The following ACTL8 variants were observed in gnomAD, a reference collection of about 807,000 sequenced individuals.
ACTL8 encodes the protein actin-like protein 8.
In ACTL8, 3 loss-of-function variants were observed where a neutral mutation model predicts 9.3. The observed-to-expected ratio is 0.32, with a 90% CI of 0.15 to 0.83. The LOEUF is 0.83. Among genes scored for constraint, ACTL8 ranks in the 40% least tolerant of loss-of-function variants. The pLI is 0.57. For synonymous variants in ACTL8, 224 were observed against 205.9 expected (o/e 1.09, Z -0.75); for missense variants, 381 against 492.2 (o/e 0.77, Z 2.14).
chr1:17,786,592 G>A (rs1290385720), intron 1 of ACTL8, among the ~76,000 whole-genome samples: 1 of 152,196 alleles, frequency 6.6e-6, no homozygotes, highest in East Asian at 1.9e-4. Context: ...ATGGAGAACA[G>A]GGGAGGAAAG....
chr1:17,767,598 G>T lies in ACTL8; in HGVS notation c.-25+12094G>T, dbSNP rs2066053548. Among the ~76,000 whole-genome samples, 1 of 152,156 alleles carries T rather than the reference G, an allele frequency of 6.6e-6. No homozygotes were observed. Among genetic ancestry groups the T allele is most frequent in the South Asian group, 2.1e-4 (1 of 4,826 alleles). On this transcript the variant is annotated intron_variant, in intron 1 of 2. Coordinates refer to ENST00000375406, the MANE Select transcript of ACTL8 (RefSeq NM_030812.3). The surrounding 1 kb of genome is among the most constrained non-coding windows in gnomAD (Gnocchi z 4.7). ...TCTTTTGTGGCTGCCTTGTCCAGTG[G>T]TTATTTGGTGCGCAGTAAGCCCTTT...
intron 1 of ACTL8, among the ~76,000 whole-genome samples, chr1:17,796,468 A>T (rs984648791): frequency 6.6e-6 from 1 of 152,188 alleles, no homozygotes; most frequent in Non-Finnish European, 1.5e-5. Flanking sequence ...AGAGGTCGGC[A>T]TCACGCCCCC....
chr1:17,770,297 G>A (rs941281390), intron 1 of ACTL8, among the ~76,000 whole-genome samples: 1 of 152,210 alleles, frequency 6.6e-6, no homozygotes, highest in Non-Finnish European at 1.5e-5. Flanking sequence ...TCAGAGAGAA[G>A]GAAGCAGGGA....
intron 1 of ACTL8, among the ~76,000 whole-genome samples, chr1:17,781,094 C>T (rs2066151632): frequency 6.6e-6 from 1 of 152,128 alleles, no homozygotes; most frequent in South Asian, 2.1e-4. Context: ...AGGATCCTTC[C>T]TTCCTCTTCC....
intron 1 of ACTL8, among the ~76,000 whole-genome samples, chr1:17,788,891 T>C (rs912293997): frequency 2.6e-5 from 4 of 152,226 alleles, no homozygotes; most frequent in African/African-American, 9.6e-5. Flanking sequence ...GGCCCCTGTG[T>C]GACAGCTGAC....
rs2066438272 is a variant in ACTL8, at chr1:17,817,831, G to T, written c.-24-5154G>T. On this transcript the variant is annotated intron_variant, in intron 1 of 2. Coordinates refer to ENST00000375406, the MANE Select transcript of ACTL8 (RefSeq NM_030812.3). ...TTCTCCTGCCTCAGCCTCCTGAGTAGCTGGGATTACAGGTGCGTGCCACCA... is the reference window on the plus strand; with the variant it reads ...TTCTCCTGCCTCAGCCTCCTGAGTATCTGGGATTACAGGTGCGTGCCACCA... Among the ~76,000 whole-genome samples, 4 of 152,180 alleles carry T rather than the reference G, an allele frequency of 2.6e-5. No individual in the cohort carries two copies. The South Asian group carries it at 8.3e-4, about 32-fold the overall frequency.
chr1:17,824,646 T>C (rs12410884), intron 2 of ACTL8, among the ~76,000 whole-genome samples: 11,934 of 152,276 alleles, frequency 0.078, 949 homozygotes, highest in East Asian at 0.27. Context: ...GCATGGGGCA[T>C]ACTTACACTA....
intron 1 of ACTL8, among the ~76,000 whole-genome samples, chr1:17,821,464 C>CT (rs1166085929): frequency 6.6e-6 from 1 of 152,052 alleles, no homozygotes; most frequent in Non-Finnish European, 1.5e-5. Context: ...GGCTAAGGTT[C>CT]TTTTTTTGGT....
rs533284271 is a variant in ACTL8 at position 17,782,455 on chromosome 1, A to T, written c.-25+26951A>T. Among the ~76,000 whole-genome samples, 13 of 152,344 alleles carry T rather than the reference A, an allele frequency of 8.5e-5. No homozygotes were observed. In the East Asian group the frequency reaches 2.5e-3, roughly 29 times the overall value. Reference sequence around the variant, plus strand: ...ATGAGGAAATATGCAGATAAGCCAAAGGAGGAAAATCCCTTTAATCATATT... The same window carrying T: ...ATGAGGAAATATGCAGATAAGCCAATGGAGGAAAATCCCTTTAATCATATT... On this transcript the variant is annotated intron_variant, in intron 1 of 2. Coordinates refer to ENST00000375406, the MANE Select transcript of ACTL8 (RefSeq NM_030812.3).
chr1:17,803,903 T>C (rs1405629929), intron 1 of ACTL8, among the ~76,000 whole-genome samples: 1 of 152,222 alleles, frequency 6.6e-6, no homozygotes, highest in Non-Finnish European at 1.5e-5. Context: ...TTTATTTTTC[T>C]AGTTCTCAGT....
intron 1 of ACTL8, among the ~76,000 whole-genome samples, chr1:17,775,064 C>T (rs189337326): frequency 1.2e-4 from 18 of 152,262 alleles, no homozygotes; most frequent in Non-Finnish European, 1.2e-4. Context: ...AGGAGGACAC[C>T]CCTGCTGGCT....
chr1:17,788,034 T>C (rs988771106), intron 1 of ACTL8, among the ~76,000 whole-genome samples: 1 of 152,252 alleles, frequency 6.6e-6, no homozygotes, highest in East Asian at 1.9e-4. Flanking sequence ...TTTGGCCCTT[T>C]GGCCGTGCTC....
At chr1:17,761,820 C>T (rs528362239) in intron 1 of ACTL8, among the ~76,000 whole-genome samples, 1 of 152,336 alleles carries the variant, frequency 6.6e-6, no homozygotes, top group Admixed American at 6.5e-5. Flanking sequence ...GTCCGCCCTC[C>T]TCGGCCTCTC....
Position 17,826,736 on chromosome 1 carries a change from C to A in ACTL8, c.*217C>A, listed in dbSNP as rs3795323. 6 of 431,228 alleles carry A rather than the reference C, an allele frequency of 1.4e-5. No individual in the cohort carries two copies. The highest frequency in any genetic ancestry group is 6.1e-4 in the Middle Eastern group (1 of 1,644). The allele number at this position is 431,228 out of a possible 1,614,324, so 26.7% of individuals were successfully genotyped here. A position where few individuals can be genotyped will look rare whatever the true frequency, so the allele number is the denominator to read the frequency against. ...GAAGACAAGATGTCATCCTTGGAAA[C>A]CCTGCAGGGGACAGTTTTTCCAGGG... On this transcript the variant is annotated 3_prime_UTR_variant, in exon 3 of 3. Coordinates refer to ENST00000375406, the MANE Select transcript of ACTL8 (RefSeq NM_030812.3). This position sits in a 1 kb window ranked among gnomAD's most constrained non-coding sequence, Gnocchi z 4.5.
At chr1:17,787,610 C>T (rs891540961) in intron 1 of ACTL8, among the ~76,000 whole-genome samples, 6 of 152,036 alleles carry the variant, frequency 3.9e-5, no homozygotes, top group African/African-American at 7.3e-5. Flanking sequence ...TATTCCAGTG[C>T]GTGGGTGTGC....
chr1:17,782,785 C>T (rs1009518169), intron 1 of ACTL8, among the ~76,000 whole-genome samples: 7 of 152,160 alleles, frequency 4.6e-5, no homozygotes, highest in African/African-American at 1.7e-4. Flanking sequence ...GAAAGTACGC[C>T]ACAGACTCTA....
In ACTL8 at chr1:17,755,508, C is replaced by G. The variant is rs925708827; in HGVS notation, c.-25+4C>G. ...CATCTTACAGGGCAGATTTCTGGTA[C>G]GTTCTAAAAGTTGAATTTCTAACTT... On this transcript the variant is annotated splice_donor_region_variant and intron_variant, in intron 1 of 2. Coordinates refer to ENST00000375406, the MANE Select transcript of ACTL8 (RefSeq NM_030812.3). 6.6e-6 allele frequency: 1 copy of G among 151,632 alleles called. No homozygotes were observed. The highest frequency in any genetic ancestry group is 6.6e-5 in the Admixed American group (1 of 15,246). The allele number at this position is 151,632 out of a possible 1,614,324, so 9.4% of individuals were successfully genotyped here.
intron 1 of ACTL8, among the ~76,000 whole-genome samples, chr1:17,779,628 C>T (rs532198629): frequency 2.0e-5 from 3 of 152,306 alleles, no homozygotes; most frequent in East Asian, 3.9e-4. Context: ...GAGTGGCTCT[C>T]TTCCATGCAG....
intron 1 of ACTL8, among the ~76,000 whole-genome samples, chr1:17,804,237 AG>A (rs1180699341): frequency 6.6e-6 from 1 of 152,170 alleles, no homozygotes; most frequent in Admixed American, 6.5e-5. Flanking sequence ...TGGTGGTCTC[AG>A]AGCTGACACC....
Sources: gnomAD v4.1 joint callset for allele counts (sites outside exome capture counted in the v4.1 genomes callset) on GRCh38, gnomAD v4.1.1 for gene constraint, Gnocchi (gnomAD v3.1) non-coding constraint, MANE v1.5 for transcripts, NCBI Gene and HGNC (gene_info 2026-07-23, HGNC 2026-07-21) for gene names.